The following ADGRL3 variants were observed in gnomAD, a reference collection of about 807,000 sequenced individuals.
ADGRL3 encodes the protein adhesion G protein-coupled receptor L3.
A neutral mutation model predicts 153.5 loss-of-function variants in ADGRL3; 62 were observed. That is an observed-to-expected ratio of 0.40 (90% CI 0.33 to 0.50). ADGRL3 has a LOEUF of 0.50. Among genes scored for constraint, ADGRL3 ranks in the 20% least tolerant of loss-of-function variants. The pLI is 0.47. For synonymous variants in ADGRL3, 710 were observed against 672.5 expected (o/e 1.06, Z -0.86); for missense variants, 1,641 against 1,859.4 (o/e 0.88, Z 2.16).
chr4:61,852,360 G>GTT (rs2098215871), intron 9 of ADGRL3, among the ~76,000 whole-genome samples: 1 of 151,528 alleles, frequency 6.6e-6, no homozygotes, highest in East Asian at 1.9e-4. Context: ...CGTTGCCCAG[G>GTT]CTGGAGTGCC....
intron 11 of ADGRL3, among the ~76,000 whole-genome samples, chr4:61,902,027 C>T (rs1371369696): frequency 6.6e-6 from 1 of 152,110 alleles, no homozygotes; most frequent in African/African-American, 2.4e-5. Context: ...AAACTTGAGG[C>T]ACATTCAACA....
At chr4:61,390,287 G>C (rs181992956) in intron 2 of ADGRL3, among the ~76,000 whole-genome samples, 76 of 152,138 alleles carry the variant, frequency 5.0e-4, no homozygotes, top group South Asian at 1.2e-3. Flanking sequence ...CTTGTGTTCT[G>C]ATCCTTGTCT....
At chr4:61,404,232 A>G (rs1470943141) in intron 2 of ADGRL3, among the ~76,000 whole-genome samples, 1 of 152,146 alleles carries the variant, frequency 6.6e-6, no homozygotes, top group African/African-American at 2.4e-5. Context: ...GAATGGAACA[A>G]TATCATTTGA....
intron 25 of ADGRL3, among the ~76,000 whole-genome samples, chr4:62,048,475 C>A (rs1018739810): frequency 6.6e-6 from 1 of 151,970 alleles, no homozygotes; most frequent in East Asian, 1.9e-4. Flanking sequence ...GTTGGCCAGG[C>A]TGGTCTTGAA....
At chr4:61,333,018 A>G (rs1221060658) in intron 1 of ADGRL3, among the ~76,000 whole-genome samples, 1 of 152,124 alleles carries the variant, frequency 6.6e-6, no homozygotes, top group East Asian at 1.9e-4. Flanking sequence ...TTTCAGGGAA[A>G]TGAAGCAATG....
chr4:61,935,641 T>G (rs2098835335), intron 14 of ADGRL3, among the ~76,000 whole-genome samples: 1 of 152,148 alleles, frequency 6.6e-6, no homozygotes, highest in East Asian at 1.9e-4. Context: ...AAGATTATAT[T>G]TTGAAACTTA....
At chr4:61,745,646 A>G (rs1189453713) in intron 8 of ADGRL3, among the ~76,000 whole-genome samples, 3 of 152,090 alleles carry the variant, frequency 2.0e-5, no homozygotes, top group Admixed American at 6.6e-5. Flanking sequence ...ATACTTTACA[A>G]ACAAGCAAAT....
chr4:61,587,239 C>G lies in ADGRL3; in HGVS notation c.272C>G (p.Ala91Gly). The change falls in exon 5 of 27, where the codon GCC (alanine) becomes GGC (glycine). Residue 91 changes from alanine (A) to glycine (G), a missense_variant. By Grantham distance (60) the Ala-to-Gly change is moderately conservative. This residue lies in a region of ADGRL3 where 145 missense variants were observed against 79.1 expected (regional missense o/e 1.83). Coordinates refer to ENST00000683033, the MANE Select transcript of ADGRL3 (RefSeq NM_001387552.1). ...TTCCTTTTGGCAGCTTTCAGCCGTG[C>G]CCCAATTCCAATGGCTGTGGTCCGC... Reference protein sequence around the residue: ...AQIAAQAFSRAPIPMAVVRRE... With the variant: ...AQIAAQAFSRGPIPMAVVRRE... 6.2e-7 allele frequency: 1 copy of G among 1,605,450 alleles called. No homozygotes were observed. The highest frequency in any genetic ancestry group is 8.5e-7 in the Non-Finnish European group (1 of 1,175,414).
intron 2 of ADGRL3, among the ~76,000 whole-genome samples, chr4:61,419,590 A>G (rs1006954877): frequency 3.3e-5 from 5 of 152,180 alleles, no homozygotes; most frequent in African/African-American, 7.2e-5. Flanking sequence ...GTACCCACAC[A>G]GACTCCACAT....
intron 4 of ADGRL3, among the ~76,000 whole-genome samples, chr4:61,532,441 G>A (rs1181404115): frequency 6.6e-6 from 1 of 151,844 alleles, no homozygotes; most frequent in Non-Finnish European, 1.5e-5. Context: ...TTCAGAAATA[G>A]TTTCTCTGAC....
intron 17 of ADGRL3, among the ~76,000 whole-genome samples, chr4:61,967,520 A>T (rs12505638): frequency 0.19 from 29,440 of 152,130 alleles, 3,468 homozygotes; most frequent in East Asian, 0.43. Context: ...AGGTTTGAGC[A>T]TGGAATGCTT....
intron 6 of ADGRL3, among the ~76,000 whole-genome samples, chr4:61,694,175 CATTATTTTTTT>C (rs2095592595): frequency 3.9e-5 from 2 of 51,846 alleles, no homozygotes; most frequent in South Asian, 7.5e-4. Context: ...AAAATTTTGT[CATTATTTTTTT>C]TTTTTTTTTT....
chr4:61,556,110 C>T (rs549111228), intron 4 of ADGRL3, among the ~76,000 whole-genome samples: 1 of 152,092 alleles, frequency 6.6e-6, no homozygotes, highest in Non-Finnish European at 1.5e-5. Flanking sequence ...CTGGTTCACA[C>T]GCCTCTGACA....
chr4:61,451,299 T>C (rs978518591), intron 2 of ADGRL3, among the ~76,000 whole-genome samples: 3 of 152,120 alleles, frequency 2.0e-5, no homozygotes, highest in South Asian at 2.1e-4. Flanking sequence ...AACTGATAAA[T>C]TGCAGATGGT....
chr4:61,538,867 G>A (rs943862306), intron 4 of ADGRL3, among the ~76,000 whole-genome samples: 4 of 152,152 alleles, frequency 2.6e-5, no homozygotes, highest in Non-Finnish European at 5.9e-5. Context: ...GGAAGATTGC[G>A]TTGGGTTGCA....
At chr4:61,634,891 A>AT (rs1042867293) in intron 5 of ADGRL3, among the ~76,000 whole-genome samples, 2 of 152,144 alleles carry the variant, frequency 1.3e-5, no homozygotes, top group African/African-American at 4.8e-5. Flanking sequence ...TGGAATGAAC[A>AT]TTTTTCATTT....
rs140790935 is a variant in ADGRL3 at position 61,581,340 on chromosome 4, C to T, written c.260-5887C>T. Among the ~76,000 whole-genome samples, 647 of 152,076 alleles carry T rather than the reference C, an allele frequency of 4.3e-3. 3 individuals carry two copies. The highest frequency in any genetic ancestry group is 0.015 in the African/African-American group (619 of 41,508). On this transcript the variant is annotated intron_variant, in intron 4 of 26. Transcript: ENST00000683033. Reference sequence around the variant, plus strand: ...CGGTAGCTGTACATGCTTGTTCATACATTACATGTCTCATTAGCATCTTAA... The same window carrying T: ...CGGTAGCTGTACATGCTTGTTCATATATTACATGTCTCATTAGCATCTTAA...
chr4:61,401,536 A>G (rs958214437), intron 2 of ADGRL3, among the ~76,000 whole-genome samples: 13 of 152,134 alleles, frequency 8.5e-5, no homozygotes, highest in South Asian at 4.1e-4. Flanking sequence ...CTGCTCAAAT[A>G]TAGAGCTTTT....
At chr4:61,740,953 G>A (rs2096574135) in intron 8 of ADGRL3, among the ~76,000 whole-genome samples, 1 of 152,134 alleles carries the variant, frequency 6.6e-6, no homozygotes, top group African/African-American at 2.4e-5. Context: ...ATGAGGATAT[G>A]GTGCACCTTC....
Sources: allele counts gnomAD v4.1 joint callset (sites outside exome capture counted in the v4.1 genomes callset), GRCh38; gene constraint gnomAD v4.1.1; regional missense constraint gnomAD v4.1.1; transcripts MANE v1.5; gene names NCBI Gene and HGNC (gene_info 2026-07-23, HGNC 2026-07-21).